Variants in PDZRN3 observed in about 807,000 individuals in gnomAD.
The protein encoded by PDZRN3 is E3 ubiquitin-protein ligase PDZRN3.
PDZRN3 carries 38 observed loss-of-function variants against 85.7 expected under a neutral mutation model. The ratio of observed to expected loss-of-function variants is 0.44; its 90% CI spans 0.34 to 0.58. PDZRN3 has a LOEUF of 0.58. Among genes scored for constraint, PDZRN3 ranks in the 20% least tolerant of loss-of-function variants. PDZRN3 has a pLI of 0.01. For synonymous variants in PDZRN3, 759 were observed against 638.0 expected, an observed-to-expected ratio of 1.19 and a Z score of -2.86; for missense variants, 1,629 against 1,506.4, an observed-to-expected ratio of 1.08 and a Z score of -1.35.
At chr3:73,520,729 C>T (rs572653918) in intron 3 of PDZRN3, among the ~76,000 whole-genome samples, 1 of 152,076 alleles carries the variant, frequency 6.6e-6, no homozygotes, top group East Asian at 1.9e-4. Context: ...AAAATGAAAG[C>T]AGGGGTAGGG....
chr3:73,400,917 C>T lies in PDZRN3; in HGVS notation c.1254+5G>A. ...CCTAAAATGAGACAAGGATGTTCTT[C>T]ATACCTCCAGCTCCAGCTCCTCCCT... On this transcript the variant is annotated splice_donor_5th_base_variant and intron_variant, in intron 5 of 9. Coordinates refer to ENST00000263666, the MANE Select transcript of PDZRN3 (RefSeq NM_015009.3). The T allele has an allele frequency of 6.3e-7, 1 of 1,594,846 alleles. No homozygotes were observed. The highest frequency in any genetic ancestry group is 8.6e-7 in the Non-Finnish European group (1 of 1,162,386).
chr3:73,584,611 A>T (rs1445133768), intron 3 of PDZRN3, among the ~76,000 whole-genome samples: 1 of 152,150 alleles, frequency 6.6e-6, no homozygotes, highest in African/African-American at 2.4e-5. Context: ...AGTCACTTGT[A>T]ACAGTTATTT....
chr3:73,529,384 C>G (rs1189166482), intron 3 of PDZRN3, among the ~76,000 whole-genome samples: 1 of 152,190 alleles, frequency 6.6e-6, no homozygotes, highest in Non-Finnish European at 1.5e-5. Flanking sequence ...TCCAGGGCTG[C>G]AAACAGGTGA....
chr3:73,579,951 C>T (rs908574529), intron 3 of PDZRN3, among the ~76,000 whole-genome samples: 1 of 152,056 alleles, frequency 6.6e-6, no homozygotes. Flanking sequence ...AGCAATGATT[C>T]CCGATGAACT....
At chr3:73,622,486 A>C (rs960384449) in intron 1 of PDZRN3, among the ~76,000 whole-genome samples, 7 of 152,212 alleles carry the variant, frequency 4.6e-5, no homozygotes, top group Non-Finnish European at 7.3e-5. Flanking sequence ...AGAAGTACCC[A>C]GCTGTTGAAA....
chr3:73,495,331 C>T (rs1306627374), intron 3 of PDZRN3, among the ~76,000 whole-genome samples: 1 of 152,060 alleles, frequency 6.6e-6, no homozygotes, highest in African/African-American at 2.4e-5. Context: ...CTTAATATAG[C>T]TAAAATTCCT....
intron 3 of PDZRN3, among the ~76,000 whole-genome samples, chr3:73,442,858 C>T (rs1186454971): frequency 1.3e-5 from 2 of 152,158 alleles, no homozygotes; most frequent in Non-Finnish European, 2.9e-5. Flanking sequence ...CTTCACTGGC[C>T]ACTTTCAGCT....
intron 1 of PDZRN3, among the ~76,000 whole-genome samples, chr3:73,617,630 T>G (rs765817385): frequency 1.1e-4 from 16 of 152,188 alleles, no homozygotes; most frequent in Non-Finnish European, 1.6e-4. Context: ...TGTTAACCAC[T>G]CTTAAAATTA....
At chr3:73,552,549 G>T (rs1005172149) in intron 3 of PDZRN3, among the ~76,000 whole-genome samples, 5 of 152,118 alleles carry the variant, frequency 3.3e-5, no homozygotes, top group African/African-American at 1.2e-4. Flanking sequence ...TTTTGCGCAT[G>T]TGAGTGTGTG....
In PDZRN3 at chr3:73,508,327, G is replaced by A. The variant is rs190235774; in HGVS notation, c.918+94027C>T. ...CTCCACCTTTGGTCCTCAGAGCTTC[G>A]TGCATAAACTCAGTCCTGCACTGTT... On this transcript the variant is annotated intron_variant, in intron 3 of 9. Transcript: ENST00000263666. Among the ~76,000 whole-genome samples, 298 of 152,264 alleles carry A rather than the reference G, an allele frequency of 2.0e-3. 1 individual carries two copies. The highest frequency in any genetic ancestry group is 7.0e-3 in the African/African-American group (289 of 41,550).
intron 5 of PDZRN3, among the ~76,000 whole-genome samples, chr3:73,397,419 G>C (rs1227989874): frequency 6.6e-6 from 1 of 152,172 alleles, no homozygotes; most frequent in African/African-American, 2.4e-5. Flanking sequence ...AACAAAACAG[G>C]ATGGAATCTA....
chr3:73,572,779 C>T (rs1345019411), intron 3 of PDZRN3, among the ~76,000 whole-genome samples: 1 of 152,160 alleles, frequency 6.6e-6, no homozygotes, highest in Non-Finnish European at 1.5e-5. Context: ...AGAGTGCCCC[C>T]TCCCTTTTTC....
intron 3 of PDZRN3, among the ~76,000 whole-genome samples, chr3:73,543,469 AT>A (rs1426250208): frequency 6.6e-6 from 1 of 152,326 alleles, no homozygotes; most frequent in South Asian, 2.1e-4. Context: ...CAGACTTTAA[AT>A]TTGTTCTTTC....
intron 3 of PDZRN3, among the ~76,000 whole-genome samples, chr3:73,591,117 A>T (rs1195392666): frequency 6.6e-6 from 1 of 152,212 alleles, no homozygotes; most frequent in Non-Finnish European, 1.5e-5. Context: ...TATTACATTC[A>T]TATCAAGACA....
At chr3:73,565,117 AT>A (rs202184460) in intron 3 of PDZRN3, among the ~76,000 whole-genome samples, 658 of 138,396 alleles carry the variant, frequency 4.8e-3, no homozygotes, top group African/African-American at 9.6e-3. Context: ...ATATCCACCA[AT>A]TTTTTTTTTT....
At chr3:73,438,190 C>G (rs1702566326) in intron 3 of PDZRN3, among the ~76,000 whole-genome samples, 1 of 152,136 alleles carries the variant, frequency 6.6e-6, no homozygotes, top group Non-Finnish European at 1.5e-5. Context: ...CACCAAGGAA[C>G]ACACAATGAG....
chr3:73,447,944 T>C (rs1276619018), intron 3 of PDZRN3, among the ~76,000 whole-genome samples: 1 of 152,232 alleles, frequency 6.6e-6, no homozygotes, highest in Admixed American at 6.5e-5. Context: ...TCTTGCATTC[T>C]ACATAAATAT....
chr3:73,456,215 T>TGC (rs1019107538), intron 3 of PDZRN3, among the ~76,000 whole-genome samples: 7 of 148,890 alleles, frequency 4.7e-5, no homozygotes, highest in Non-Finnish European at 8.9e-5. Flanking sequence ...TGTGTGTGTG[T>TGC]GCGCGCGTGC....
chr3:73,593,981 T>A (rs915652862), intron 3 of PDZRN3: 18 of 152,202 alleles, frequency 1.2e-4, no homozygotes, highest in African/African-American at 4.1e-4. Flanking sequence ...GCTAGCTAAA[T>A]TCTGCAAGAG....
Sources: gnomAD v4.1 joint callset for allele counts (sites outside exome capture counted in the v4.1 genomes callset) on GRCh38, gnomAD v4.1.1 for gene constraint, MANE v1.5 for transcripts, NCBI Gene and HGNC (gene_info 2026-07-23, HGNC 2026-07-21) for gene names.